ZNF618: variants seen among roughly 807,000 people sequenced by gnomAD.
ZNF618 encodes zinc finger protein 618, also known as neural precursor cell expressed, developmentally down-regulated 10.
Under a neutral mutation model 103.0 loss-of-function variants are expected in ZNF618, and 34 were observed. That is an observed-to-expected ratio of 0.33 (90% CI 0.25 to 0.44). The LOEUF (loss-of-function observed/expected upper bound fraction) is 0.44. Ranked by LOEUF, ZNF618 falls within the 20% of genes least tolerant of loss-of-function variation. The pLI is 1.00. For synonymous variants in ZNF618, 551 were observed against 542.2 expected, an observed-to-expected ratio of 1.02 and a Z score of -0.23; for missense variants, 1,059 against 1,295.4, an observed-to-expected ratio of 0.82 and a Z score of 2.80.
In ZNF618 at chr9:113,888,195, G is replaced by A. The variant is rs145012784; in HGVS notation, c.33+11782G>A. Among the ~76,000 whole-genome samples the A allele has an allele frequency of 6.2e-4, 95 of 152,270 alleles. 1 individual carries two copies. In the East Asian group the frequency reaches 0.016, roughly 25 times the overall value. On this transcript the variant is annotated intron_variant, in intron 1 of 14. Coordinates refer to ENST00000374126, the MANE Select transcript of ZNF618 (RefSeq NM_001318042.2). ...TGAGGTGTTGAATCTTACCATTCCCGTTGTACAGCTGAGGAAAGCACAGTA... is the reference window on the plus strand; with the variant it reads ...TGAGGTGTTGAATCTTACCATTCCCATTGTACAGCTGAGGAAAGCACAGTA...
intron 6 of ZNF618, among the ~76,000 whole-genome samples, chr9:114,005,149 C>T (rs1479991312): frequency 6.6e-6 from 1 of 152,170 alleles, no homozygotes; most frequent in Non-Finnish European, 1.5e-5. Flanking sequence ...AGAGGTTAGG[C>T]AGCATGTCTG....
chr9:114,033,480 G>A (rs1011059575), intron 12 of ZNF618, among the ~76,000 whole-genome samples: 1 of 151,950 alleles, frequency 6.6e-6, no homozygotes, highest in East Asian at 1.9e-4. Flanking sequence ...CCACTGGAAC[G>A]AAGATTCCCT....
At chr9:113,950,249 C>T (rs376096038) in intron 1 of ZNF618, among the ~76,000 whole-genome samples, 5 of 152,156 alleles carry the variant, frequency 3.3e-5, no homozygotes, top group South Asian at 2.1e-4. Flanking sequence ...TAAGGACCAC[C>T]GTATCTGTTC....
At chr9:113,916,288 GAAA>G (rs1832071920) in intron 1 of ZNF618, among the ~76,000 whole-genome samples, 1 of 152,192 alleles carries the variant, frequency 6.6e-6, no homozygotes, top group Non-Finnish European at 1.5e-5. Context: ...CTCAGGCCCA[GAAA>G]ACGAAACAAG....
Position 113,988,970 on chromosome 9 carries a change from T to C in ZNF618, c.337+390T>C, listed in dbSNP as rs1053907570. ...CTGGAGATCCCAGTGCCGGTGCTGC[T>C]CAGAGCAGTACCCCATCAGGATTGG... On this transcript the variant is annotated intron_variant, in intron 3 of 14. Transcript: ENST00000374126. Among the ~76,000 whole-genome samples, 8 of 152,180 alleles carry C rather than the reference T, an allele frequency of 5.3e-5. 1 individual carries two copies. The highest frequency in any genetic ancestry group is 3.9e-4 in the Admixed American group (6 of 15,284).
chr9:113,975,871 G>T (rs777965944), intron 2 of ZNF618, among the ~76,000 whole-genome samples: 1 of 152,030 alleles, frequency 6.6e-6, no homozygotes, highest in Admixed American at 6.6e-5. Context: ...CTGGAGTTCA[G>T]ATTTCATTTC....
At chr9:114,003,114 G>A (rs1219437499) in intron 6 of ZNF618, among the ~76,000 whole-genome samples, 1 of 152,330 alleles carries the variant, frequency 6.6e-6, no homozygotes, top group East Asian at 1.9e-4. Flanking sequence ...GCTTTGGAGA[G>A]TTTTCTCCTG....
chr9:114,038,161 G>C (rs1844794451), intron 13 of ZNF618, among the ~76,000 whole-genome samples: 2 of 152,154 alleles, frequency 1.3e-5, no homozygotes, highest in Admixed American at 1.3e-4. Context: ...ATATCGCTTG[G>C]TCCTGAGACT....
intron 11 of ZNF618, among the ~76,000 whole-genome samples, chr9:114,029,609 C>A (rs1450739433): frequency 2.0e-5 from 3 of 151,948 alleles, no homozygotes; most frequent in African/African-American, 7.3e-5. Flanking sequence ...GAGTTTGCAT[C>A]TCCCACCTTT....
intron 1 of ZNF618, among the ~76,000 whole-genome samples, chr9:113,928,157 A>G (rs773364172): frequency 6.6e-6 from 1 of 152,172 alleles, no homozygotes; most frequent in African/African-American, 2.4e-5. Flanking sequence ...AACTCTTCCA[A>G]TGCAGTGATT....
At chr9:114,035,406 T>C (rs774152228) in intron 12 of ZNF618, among the ~76,000 whole-genome samples, 45 of 151,974 alleles carry the variant, frequency 3.0e-4, no homozygotes, top group Non-Finnish European at 4.9e-4. Context: ...CCTGGGCGGG[T>C]GGAGCAGTTT....
intron 1 of ZNF618, among the ~76,000 whole-genome samples, chr9:113,882,239 A>AG (rs752062101): frequency 2.6e-5 from 4 of 152,198 alleles, no homozygotes; most frequent in Non-Finnish European, 5.9e-5. Flanking sequence ...GCTGGGTTTG[A>AG]GGTCTGCCAG....
chr9:113,926,732 A>G (rs74529970), intron 1 of ZNF618, among the ~76,000 whole-genome samples: 7,623 of 152,272 alleles, frequency 0.05, 292 homozygotes, highest in African/African-American at 0.099. Context: ...TAAATTCCCA[A>G]ATCTGCACTG....
intron 3 of ZNF618, among the ~76,000 whole-genome samples, chr9:113,989,664 TC>T (rs1415233783): frequency 2.0e-5 from 3 of 152,216 alleles, no homozygotes. Context: ...CCTACTGACT[TC>T]CAAGCACCTC....
intron 1 of ZNF618, among the ~76,000 whole-genome samples, chr9:113,881,952 AAGTCAAGG>A (rs1828569316): frequency 1.3e-5 from 2 of 152,202 alleles, no homozygotes; most frequent in Admixed American, 6.5e-5. Flanking sequence ...TGAGCTGTTG[AAGTCAAGG>A]AGTGTGAGTC....
intron 1 of ZNF618, among the ~76,000 whole-genome samples, chr9:113,922,838 A>G (rs761041834): frequency 5.9e-5 from 9 of 152,220 alleles, no homozygotes. Context: ...ATATGCACAG[A>G]ACAACTTCTG....
intron 1 of ZNF618, among the ~76,000 whole-genome samples, chr9:113,885,528 G>A (rs1464422553): frequency 6.6e-6 from 1 of 152,120 alleles, no homozygotes; most frequent in Non-Finnish European, 1.5e-5. Flanking sequence ...GCCAGCCCAG[G>A]GTTCAGAAAG....
chr9:113,929,840 G>A (rs529932764), intron 1 of ZNF618, among the ~76,000 whole-genome samples: 7 of 152,324 alleles, frequency 4.6e-5, no homozygotes, highest in African/African-American at 1.2e-4. Context: ...AGTACTTCCC[G>A]ATGCCAGCTT....
intron 1 of ZNF618, among the ~76,000 whole-genome samples, chr9:113,899,766 A>G (rs1406205031): frequency 1.3e-5 from 2 of 152,188 alleles, no homozygotes; most frequent in African/African-American, 2.4e-5. Flanking sequence ...ACTCAGCATA[A>G]TGTCCTCAAG....
Sources: gnomAD v4.1 joint callset for allele counts (sites outside exome capture counted in the v4.1 genomes callset) on GRCh38, gnomAD v4.1.1 for gene constraint, MANE v1.5 for transcripts, NCBI Gene and HGNC (gene_info 2026-07-23, HGNC 2026-07-21) for gene names.